MTRR: variants seen among roughly 807,000 people sequenced by gnomAD.
MTRR encodes 5-methyltetrahydrofolate-homocysteine methyltransferase reductase, also known as methionine synthase reductase.
MTRR carries 63 observed loss-of-function variants against 79.2 expected under a neutral mutation model. That is an observed-to-expected ratio of 0.80 (90% CI 0.65 to 0.98). The LOEUF is 0.98. Among genes scored for constraint, MTRR ranks in the 50% least tolerant of loss-of-function variants. The pLI is 0.00. For synonymous variants in MTRR, 355 were observed against 313.3 expected, an observed-to-expected ratio of 1.13 and a Z score of -1.41; for missense variants, 895 against 839.6, an observed-to-expected ratio of 1.07 and a Z score of -0.82.
At chr5:7,850,931 T>G, upstream of MTRR, 4 of 1,358,112 alleles carry the variant, frequency 2.9e-6, no homozygotes, top group Middle Eastern at 6.4e-4. Context: ...CGCGGCGGGA[T>G]GTAGCTGAAG....
chr5:7,892,640 T>C (rs1441118850), intron 10 of MTRR, 87 bp from the exon 11 acceptor site: 2 of 1,381,282 alleles, frequency 1.4e-6, no homozygotes, highest in Non-Finnish European at 2.1e-6. Flanking sequence ...TAAGGAAATA[T>C]TTCTAAACTG....
chr5:7,865,867 A>G (rs747940569), upstream of MTRR: 2 of 1,531,494 alleles, frequency 1.3e-6, no homozygotes, highest in Non-Finnish European at 1.8e-6. Context: ...ACCCATGGGG[A>G]AATAAAGCCA....
chr5:7,896,778 G>A lies in MTRR; in HGVS notation c.1677-86G>A, dbSNP rs1219922233. 4.1e-5 allele frequency: 42 copies of A among 1,030,450 alleles called. No individual in the cohort carries two copies. The East Asian group carries it at 8.9e-4, about 22-fold the overall frequency. 63.8% of individuals were successfully genotyped at this position (1,030,450 alleles called of 1,614,324 possible). A position where few individuals can be genotyped will look rare whatever the true frequency, so the allele number is the denominator to read the frequency against. On this transcript the variant is annotated intron_variant, in intron 12 of 14. Coordinates refer to ENST00000440940, the MANE Select transcript of MTRR (RefSeq NM_002454.3). Reference sequence around the variant, plus strand: ...AGATGGATTTTACAAATCCGTCTGAGTTTGTTGGTGGTAGTTCCTAATGAA... The same window carrying A: ...AGATGGATTTTACAAATCCGTCTGAATTTGTTGGTGGTAGTTCCTAATGAA...
intron 9 of MTRR, among the ~76,000 whole-genome samples, chr5:7,889,910 CT>C (rs1737264139): frequency 6.6e-6 from 1 of 152,108 alleles, no homozygotes; most frequent in South Asian, 2.1e-4. Flanking sequence ...AGTGACTCTT[CT>C]AGTCCTCATA....
At chr5:7,870,708 T>C (rs1301345003) in intron 1 of MTRR, 62 bp from the exon 2 acceptor site, 3 of 1,536,508 alleles carry the variant, frequency 2.0e-6, no homozygotes, top group Non-Finnish European at 2.7e-6. Context: ...TGAGGGAGAA[T>C]TAATATCTTT....
At chr5:7,853,898 GA>G (rs1746147331) in intron 1 of MTRR, among the ~76,000 whole-genome samples, 1 of 152,060 alleles carries the variant, frequency 6.6e-6, no homozygotes, top group Non-Finnish European at 1.5e-5. Context: ...CTTCTTTCAT[GA>G]GGTGAGTCAT....
Position 7,878,307 on chromosome 5 carries a change from G to A in MTRR, c.765G>A (p.Gln255=). 6.2e-7 allele frequency: 1 copy of A among 1,614,208 alleles called. No homozygotes were observed. Among genetic ancestry groups the A allele is most frequent in the Non-Finnish European group, 8.5e-7 (1 of 1,180,036 alleles). ...LPPEYLQVHL[Q]ESLGQEESQV... ...CAGAATATTTACAGGTACATCTGCA[G>A]GAGTCTCTTGGCCAGGTAAGGAAGT... Residue 255 remains glutamine, a synonymous_variant, in exon 5 of 15, where the codon CAG becomes CAA. Coordinates refer to ENST00000440940, the MANE Select transcript of MTRR (RefSeq NM_002454.3).
upstream of MTRR, chr5:7,867,216 T>C (rs1747026275): frequency 1.9e-6 from 3 of 1,614,166 alleles, no homozygotes; most frequent in Non-Finnish European, 2.5e-6. Flanking sequence ...GGACTCAGGT[T>C]GGAAACTATT....
chr5:7,870,680 G>T, intron 1 of MTRR, 90 bp from the exon 2 acceptor site: 1 of 1,380,454 alleles, frequency 7.2e-7, no homozygotes, highest in Non-Finnish European at 1.0e-6. Context: ...GGGTATTGTT[G>T]CATTGTTTCT....
At chr5:7,864,823 T>C (rs868380666), upstream of MTRR, among the ~76,000 whole-genome samples, 1 of 147,674 alleles carries the variant, frequency 6.8e-6, no homozygotes, top group Non-Finnish European at 1.5e-5. Flanking sequence ...AAAAAAAATC[T>C]GCCAGTATCC....
At chr5:7,899,032 C>T (rs1489111371) in intron 14 of MTRR, among the ~76,000 whole-genome samples, 1 of 152,042 alleles carries the variant, frequency 6.6e-6, no homozygotes, top group Non-Finnish European at 1.5e-5. Flanking sequence ...GGAGCAGGCA[C>T]CTCACACGGC....
At chr5:7,862,273 G>A (rs925915400) in intron 2 of MTRR, among the ~76,000 whole-genome samples, 3 of 152,174 alleles carry the variant, frequency 2.0e-5, no homozygotes, top group Non-Finnish European at 2.9e-5. Flanking sequence ...TCTCTTGTCA[G>A]TGCTGTCCAG....
In MTRR at chr5:7,889,101, T is replaced by C. The variant is rs770033386; in HGVS notation, c.1153T>C (p.Leu385=). 1 of 1,614,176 alleles carries C rather than the reference T, an allele frequency of 6.2e-7. No individual in the cohort carries two copies. The highest frequency in any genetic ancestry group is 8.5e-7 in the Non-Finnish European group (1 of 1,180,034). ...GGCGGGCTCCTTTTTGTAGGCATTT[T>C]TGCGAGCCCTTGTGGACTATACCAG... The part of the protein sequence containing the change: ...EIRAIPKKAF[L]RALVDYTSDS... Residue 385 remains leucine (L), a synonymous_variant, in exon 9 of 15, where the codon TTG becomes CTG. Transcript: ENST00000440940.
chr5:7,862,512 G>A (rs1746624076), intron 2 of MTRR, among the ~76,000 whole-genome samples: 1 of 152,072 alleles, frequency 6.6e-6, no homozygotes, highest in Non-Finnish European at 1.5e-5. Context: ...CTACGTTCCA[G>A]GTACTATTTT....
rs142261195 is a variant in MTRR at position 7,886,853 on chromosome 5, G to A, written c.1146+150G>A. ...TTAATATTAGTTCCCAAGGGTGTGTGCTATCATCGTAACTATCATCTATGA... is the reference window on the plus strand; with the variant it reads ...TTAATATTAGTTCCCAAGGGTGTGTACTATCATCGTAACTATCATCTATGA... On this transcript the variant is annotated intron_variant, in intron 8 of 14. Coordinates refer to ENST00000440940, the MANE Select transcript of MTRR (RefSeq NM_002454.3). 0.018 allele frequency: 12,228 copies of A among 677,590 alleles called. 144 individuals carry two copies. Among genetic ancestry groups the A allele is most frequent in the Non-Finnish European group, 0.026 (9,837 of 385,094 alleles). 42.0% of individuals were successfully genotyped at this position (677,590 alleles called of 1,614,324 possible).
At chr5:7,876,721 G>A (rs904486612) in intron 4 of MTRR, among the ~76,000 whole-genome samples, 5 of 152,310 alleles carry the variant, frequency 3.3e-5, no homozygotes, top group Middle Eastern at 3.4e-3. Flanking sequence ...AATTAGTTAA[G>A]CTTTTTGTTC....
intron 1 of MTRR, 93 bp downstream of exon 1, chr5:7,869,308 C>T (rs1747434228): frequency 5.4e-6 from 8 of 1,487,354 alleles, no homozygotes; most frequent in South Asian, 4.6e-5. Context: ...GGTGGGCAGC[C>T]GGCTTGCGCC....
chr5:7,887,793 C>CATATATACATATATATATATAT lies in MTRR; in HGVS notation c.1146+1097_1146+1098insCATATATATATATATATATATA, dbSNP rs1491410388. On this transcript the variant is annotated intron_variant, in intron 8 of 14. Coordinates refer to ENST00000440940, the MANE Select transcript of MTRR (RefSeq NM_002454.3). ...GTATATATTTGTGTGTGTGTGTGTGCATATATATATATATATATATATATA... is the reference window on the plus strand; with the variant it reads ...GTATATATTTGTGTGTGTGTGTGTGCATATATACATATATATATATATATATATATATATATATATATATATA... Among the ~76,000 whole-genome samples the CATATATACATATATATATATAT allele has an allele frequency of 9.6e-4, 88 of 92,016 alleles. 5 individuals carry two copies. The highest frequency in any genetic ancestry group is 2.3e-3 in the Admixed American group (18 of 7,958). The allele number at this position is 92,016 out of a possible 152,430, so 60.4% of individuals were successfully genotyped here. A position where few individuals can be genotyped will look rare whatever the true frequency, so the allele number is the denominator to read the frequency against.
chr5:7,858,116 A>G (rs1232024876), intron 1 of MTRR, among the ~76,000 whole-genome samples: 8 of 152,160 alleles, frequency 5.3e-5, no homozygotes. Flanking sequence ...GCTGAGTCAT[A>G]GGAAGAGGTG....
Sources: allele counts gnomAD v4.1 joint callset (sites outside exome capture counted in the v4.1 genomes callset), GRCh38; gene constraint gnomAD v4.1.1; transcripts MANE v1.5; gene names NCBI Gene and HGNC (gene_info 2026-07-23, HGNC 2026-07-21).